The following SEMA6D variants were observed in gnomAD, a reference collection of about 807,000 sequenced individuals.
SEMA6D encodes semaphorin-6D.
Under a neutral mutation model 106.6 loss-of-function variants are expected in SEMA6D, and 35 were observed. That is an observed-to-expected ratio of 0.33 (90% CI 0.25 to 0.44). The LOEUF (loss-of-function observed/expected upper bound fraction) is 0.44. Ranked by LOEUF, SEMA6D falls within the 20% of genes least tolerant of loss-of-function variation. The pLI, the probability that SEMA6D is intolerant of heterozygous loss-of-function variation, is 1.00. For missense variants in SEMA6D, 1,185 were observed against 1,345.9 expected, an observed-to-expected ratio of 0.88 and a Z score of 1.87; for synonymous variants, 499 against 487.7, an observed-to-expected ratio of 1.02 and a Z score of -0.31.
chr15:47,405,036 A>G (rs1211428543), intron 1 of SEMA6D, among the ~76,000 whole-genome samples: 1 of 152,106 alleles, frequency 6.6e-6, no homozygotes, highest in East Asian at 1.9e-4. Context: ...AAATGTCCCT[A>G]GGGGGAGAAG....
At chr15:47,581,022 G>C (rs575368970) in intron 3 of SEMA6D, among the ~76,000 whole-genome samples, 1 of 152,208 alleles carries the variant, frequency 6.6e-6, no homozygotes, top group South Asian at 2.1e-4. Flanking sequence ...TCTGCATCTG[G>C]TATTACAACT....
rs1006207910 is a variant in SEMA6D, at chr15:47,471,939, A to T, written c.-87+1394A>T. On this transcript the variant is annotated intron_variant, in intron 3 of 19. Coordinates refer to the SEMA6D transcript ENST00000558014. ...CTCTCTCTCTCTCTCTCTCACACAC[A>T]CACACACACACACACACACACACAC... Among the ~76,000 whole-genome samples, 742 of 143,630 alleles carry T rather than the reference A, an allele frequency of 5.2e-3. 5 individuals are homozygous for T. Among genetic ancestry groups the T allele is most frequent in the African/African-American group, 0.018 (676 of 36,626 alleles). The allele number at this position is 143,630 out of a possible 152,430, so 94.2% of individuals were successfully genotyped here.
chr15:47,740,719 A>G (rs1463750380), intron 1 of SEMA6D, among the ~76,000 whole-genome samples: 2 of 152,112 alleles, frequency 1.3e-5, no homozygotes, highest in African/African-American at 2.4e-5. Context: ...ATTTCCAAGC[A>G]AGAGCACCTG....
chr15:47,519,154 A>G (rs1211356238), intron 3 of SEMA6D, among the ~76,000 whole-genome samples: 1 of 152,238 alleles, frequency 6.6e-6, no homozygotes, highest in Non-Finnish European at 1.5e-5. Context: ...AATAAAATGT[A>G]TAGTGTAATA....
chr15:47,339,834 C>T (rs7164576), intron 1 of SEMA6D, among the ~76,000 whole-genome samples: 8 of 150,420 alleles, frequency 5.3e-5, no homozygotes, highest in Admixed American at 6.6e-5. Context: ...CCAACTTGGG[C>T]GACAGAGTGA....
intron 4 of SEMA6D, among the ~76,000 whole-genome samples, chr15:47,627,175 T>C (rs1369008096): frequency 1.3e-5 from 2 of 152,106 alleles, no homozygotes; most frequent in Non-Finnish European, 2.9e-5. Context: ...GGTAATATGA[T>C]TGAAGTAGGA....
At chr15:47,300,969 C>A (rs1320911635) in intron 1 of SEMA6D, among the ~76,000 whole-genome samples, 1 of 152,178 alleles carries the variant, frequency 6.6e-6, no homozygotes, top group Non-Finnish European at 1.5e-5. Flanking sequence ...ATACTAAATT[C>A]TGGAAATGAC....
chr15:47,359,763 A>G (rs535255893), intron 1 of SEMA6D: 1 of 152,336 alleles, frequency 6.6e-6, no homozygotes, highest in South Asian at 2.1e-4. Flanking sequence ...ATGGCTTTTC[A>G]TTCAGAGATT....
At chr15:47,508,160 T>C (rs1182195060) in intron 3 of SEMA6D, among the ~76,000 whole-genome samples, 1 of 152,226 alleles carries the variant, frequency 6.6e-6, no homozygotes, top group East Asian at 1.9e-4. Context: ...AGATTCTCTC[T>C]GGTTTAAACC....
At chr15:47,471,152 A>G (rs937600583) in intron 3 of SEMA6D, among the ~76,000 whole-genome samples, 4 of 152,178 alleles carry the variant, frequency 2.6e-5, no homozygotes, top group Non-Finnish European at 4.4e-5. Flanking sequence ...GAGCAGGGCC[A>G]GGGCAGTCGA....
intron 1 of SEMA6D, among the ~76,000 whole-genome samples, chr15:47,360,665 C>T (rs1173589712): frequency 3.9e-5 from 6 of 152,134 alleles, no homozygotes; most frequent in Admixed American, 2.0e-4. Flanking sequence ...CAGATTTACA[C>T]AAAGGAAAAT....
intron 1 of SEMA6D, among the ~76,000 whole-genome samples, chr15:47,206,872 A>G (rs748466670): frequency 6.6e-6 from 1 of 152,152 alleles, no homozygotes; most frequent in Non-Finnish European, 1.5e-5. Flanking sequence ...GGTAGCTTCC[A>G]AAAACCAACA....
intron 3 of SEMA6D, among the ~76,000 whole-genome samples, chr15:47,508,258 T>A (rs1377124285): frequency 6.6e-6 from 1 of 152,160 alleles, no homozygotes; most frequent in Non-Finnish European, 1.5e-5. Flanking sequence ...AGAATTCAGA[T>A]GAATGTGTTT....
At chr15:47,661,306 AAAAC>A (rs1194879274) in intron 4 of SEMA6D, among the ~76,000 whole-genome samples, 1 of 152,238 alleles carries the variant, frequency 6.6e-6, no homozygotes, top group African/African-American at 2.4e-5. Flanking sequence ...TACTTGAACA[AAAAC>A]AAAATAAAAG....
intron 3 of SEMA6D, among the ~76,000 whole-genome samples, chr15:47,482,813 A>G (rs575391633): frequency 1.3e-5 from 2 of 152,124 alleles, no homozygotes; most frequent in Non-Finnish European, 2.9e-5. Context: ...GATCTATGTT[A>G]ATGGGAACAT....
At chr15:47,552,978 A>G (rs986425764) in intron 3 of SEMA6D, among the ~76,000 whole-genome samples, 5 of 142,006 alleles carry the variant, frequency 3.5e-5, no homozygotes, top group Non-Finnish European at 7.5e-5. Flanking sequence ...GATCTTGGCT[A>G]ACTGCAACCT....
intron 4 of SEMA6D, among the ~76,000 whole-genome samples, chr15:47,645,576 G>A (rs1247125483): frequency 6.6e-6 from 1 of 151,810 alleles, no homozygotes; most frequent in Non-Finnish European, 1.5e-5. Flanking sequence ...AATGTGTGGG[G>A]GTTTTTCCCC....
intron 3 of SEMA6D, among the ~76,000 whole-genome samples, chr15:47,486,711 G>T (rs532620528): frequency 1.3e-5 from 2 of 152,344 alleles, no homozygotes; most frequent in East Asian, 3.9e-4. Context: ...GAAAGTCTTT[G>T]TAACTGAGTA....
chr15:47,526,785 G>A (rs1221495183), intron 3 of SEMA6D, among the ~76,000 whole-genome samples: 1 of 152,020 alleles, frequency 6.6e-6, no homozygotes, highest in Non-Finnish European at 1.5e-5. Context: ...CACCTAGGCT[G>A]GAGTGTAGTG....
Sources: gnomAD v4.1 joint callset for allele counts (sites outside exome capture counted in the v4.1 genomes callset) on GRCh38, gnomAD v4.1.1 for gene constraint, MANE v1.5 for transcripts, NCBI Gene and HGNC (gene_info 2026-07-23, HGNC 2026-07-21) for gene names.